RIMS1: variants seen among roughly 807,000 people sequenced by gnomAD.
The protein encoded by RIMS1 is regulating synaptic membrane exocytosis protein 1.
Under a neutral mutation model 214.1 loss-of-function variants are expected in RIMS1, and 83 were observed. The observed-to-expected ratio is 0.39, with a 90% CI of 0.32 to 0.47. RIMS1 has a LOEUF of 0.47. Ranked by LOEUF, RIMS1 falls within the 20% of genes least tolerant of loss-of-function variation. RIMS1 has a pLI of 0.99. For missense variants in RIMS1, 2,050 were observed against 2,161.8 expected, an observed-to-expected ratio of 0.95 and a Z score of 1.03; for synonymous variants, 793 against 786.8, an observed-to-expected ratio of 1.01 and a Z score of -0.13.
chr6:72,296,950 G>T (rs2094150611), intron 26 of RIMS1, among the ~76,000 whole-genome samples: 1 of 151,542 alleles, frequency 6.6e-6, no homozygotes, highest in South Asian at 2.1e-4. Context: ...TCCTATTTTA[G>T]TAAGTACAAA....
intron 4 of RIMS1, among the ~76,000 whole-genome samples, chr6:72,135,708 A>T (rs2041172517): frequency 6.6e-6 from 1 of 152,168 alleles, no homozygotes; most frequent in Admixed American, 6.5e-5. Flanking sequence ...ATCAGAGAAC[A>T]GCCAACTTTG....
chr6:72,284,000 G>A (rs2091372063), intron 23 of RIMS1, 47 bp from the exon 24 acceptor site: 1 of 1,401,070 alleles, frequency 7.1e-7, no homozygotes, highest in Non-Finnish European at 1.0e-6. Context: ...TGATGTTAAT[G>A]TAGCTTTATT....
At chr6:72,014,921 C>T (rs761795617) in intron 2 of RIMS1, among the ~76,000 whole-genome samples, 3 of 152,132 alleles carry the variant, frequency 2.0e-5, no homozygotes, top group Non-Finnish European at 4.4e-5. Flanking sequence ...TTTTCCGGCT[C>T]AGATTTTGTA....
chr6:72,133,680 C>T (rs577973403), intron 4 of RIMS1, among the ~76,000 whole-genome samples: 1 of 152,230 alleles, frequency 6.6e-6, no homozygotes, highest in South Asian at 2.1e-4. Context: ...GTGGATGACA[C>T]CAAGTTTTCT....
At chr6:72,132,617 C>G (rs535159485) in intron 4 of RIMS1, among the ~76,000 whole-genome samples, 33 of 152,196 alleles carry the variant, frequency 2.2e-4, no homozygotes, top group African/African-American at 7.7e-4. Flanking sequence ...CACAATTGCT[C>G]CAGGTCATGC....
At chr6:72,070,396 T>A (rs995222879) in intron 2 of RIMS1, among the ~76,000 whole-genome samples, 1 of 152,276 alleles carries the variant, frequency 6.6e-6, no homozygotes, top group South Asian at 2.1e-4. Context: ...AAGGAGCTTA[T>A]GGTCAACTGG....
At chr6:72,266,242 A>G (rs1202517801) in intron 22 of RIMS1, 193 bp downstream of exon 22, 9 of 603,480 alleles carry the variant, frequency 1.5e-5, no homozygotes, top group Non-Finnish European at 2.7e-5. Context: ...AAGGGTACAC[A>G]TACACATATT....
intron 2 of RIMS1, among the ~76,000 whole-genome samples, chr6:72,005,613 AC>A (rs773879260): frequency 3.9e-5 from 6 of 152,232 alleles, no homozygotes; most frequent in Non-Finnish European, 8.8e-5. Context: ...ATAATCAGGT[AC>A]CAGGAAAGAC....
intron 4 of RIMS1, among the ~76,000 whole-genome samples, chr6:72,139,237 C>T (rs1562406210): frequency 1.3e-5 from 2 of 152,054 alleles, no homozygotes; most frequent in East Asian, 3.9e-4. Flanking sequence ...CACACCTCTC[C>T]CAACTTGATC....
intron 4 of RIMS1, chr6:72,148,528 A>G (rs2043055076): frequency 2.2e-6 from 1 of 455,146 alleles, no homozygotes. Flanking sequence ...CACTCACCTA[A>G]TGCACTGGCC....
intron 2 of RIMS1, among the ~76,000 whole-genome samples, chr6:71,987,346 A>T (rs185144233): frequency 6.6e-6 from 1 of 152,226 alleles, no homozygotes; most frequent in African/African-American, 2.4e-5. Flanking sequence ...TCTGTTGAGG[A>T]CCCTCTTCTT....
intron 19 of RIMS1, chr6:72,261,703 T>G (rs1177537557): frequency 2.0e-6 from 2 of 985,158 alleles, no homozygotes; most frequent in African/African-American, 3.5e-5. Flanking sequence ...AATGCATGAT[T>G]TATTATGTCT....
chr6:72,148,609 C>G (rs1192319065), intron 4 of RIMS1: 1 of 456,898 alleles, frequency 2.2e-6, no homozygotes, highest in South Asian at 1.5e-5. Context: ...GCATGACCTC[C>G]TTCCATGAAG....
chr6:72,373,677 A>G (rs1276914971), intron 29 of RIMS1, among the ~76,000 whole-genome samples: 1 of 152,192 alleles, frequency 6.6e-6, no homozygotes, highest in East Asian at 1.9e-4. Flanking sequence ...AAGCTTAGAC[A>G]TCTGCTTAGG....
intron 29 of RIMS1, among the ~76,000 whole-genome samples, chr6:72,349,360 A>T (rs1339288662): frequency 6.6e-6 from 1 of 152,076 alleles, no homozygotes; most frequent in East Asian, 1.9e-4. Context: ...ATCAAATAGT[A>T]AATAATTATA....
intron 11 of RIMS1, among the ~76,000 whole-genome samples, chr6:72,247,080 A>G (rs1384594541): frequency 6.6e-6 from 1 of 152,154 alleles, no homozygotes; most frequent in East Asian, 1.9e-4. Context: ...GGTGAGTTCA[A>G]GGTTGTACTT....
rs2043835907 is a variant in RIMS1 at position 72,152,811 on chromosome 6, ATATATATGGAATATATGTATATATATG to A, written c.472-26729_472-26703del. On this transcript the variant is annotated intron_variant, in intron 4 of 33. Transcript: ENST00000521978. ...ATATGGAATATATGTATATATATGTATATATATGGAATATATGTATATATATGTATATATGGAATATATGTATATATA... is the reference window on the plus strand; with the variant it reads ...ATATGGAATATATGTATATATATGTATATATATGGAATATATGTATATATA... Among the ~76,000 whole-genome samples the A allele has an allele frequency of 8.6e-5, 7 of 81,218 alleles. 3 individuals carry two copies. In the East Asian group the frequency reaches 2.6e-3, roughly 30 times the overall value. 53.3% of individuals were successfully genotyped at this position (81,218 alleles called of 152,430 possible).
At chr6:72,191,607 T>C (rs145404097) in intron 6 of RIMS1, among the ~76,000 whole-genome samples, 10,307 of 152,308 alleles carry the variant, frequency 0.068, 425 homozygotes, top group Non-Finnish European at 0.094. Context: ...ACAGTAAAGG[T>C]ATATTGCTGG....
chr6:71,942,345 G>T (rs371875071), intron 1 of RIMS1, among the ~76,000 whole-genome samples: 6 of 152,038 alleles, frequency 3.9e-5, no homozygotes, highest in Non-Finnish European at 8.8e-5. Context: ...AATCATTTAG[G>T]TTGTAAATGA....
Sources: allele counts gnomAD v4.1 joint callset (sites outside exome capture counted in the v4.1 genomes callset), GRCh38; gene constraint gnomAD v4.1.1; transcripts MANE v1.5; gene names NCBI Gene and HGNC (gene_info 2026-07-23, HGNC 2026-07-21).